TRIM14: variants seen among roughly 807,000 people sequenced by gnomAD.
The protein encoded by TRIM14 is tripartite motif containing 14.
Under a neutral mutation model 44.5 loss-of-function variants are expected in TRIM14, and 28 were observed. The ratio of observed to expected loss-of-function variants is 0.63; its 90% CI spans 0.47 to 0.86. TRIM14 has a LOEUF of 0.86. Among genes scored for constraint, TRIM14 ranks in the 40% least tolerant of loss-of-function variants. TRIM14 has a pLI of 0.00. For missense variants in TRIM14, 607 were observed against 611.1 expected, an observed-to-expected ratio of 0.99 and a Z score of 0.07; for synonymous variants, 299 against 269.2, an observed-to-expected ratio of 1.11 and a Z score of -1.08.
chr9:98,111,949 A>T (rs920871774), intron 1 of TRIM14, among the ~76,000 whole-genome samples: 1 of 152,196 alleles, frequency 6.6e-6, no homozygotes, highest in Admixed American at 6.5e-5. Flanking sequence ...AAAAACAAAC[A>T]AACAAAAATT....
chr9:98,088,940 T>C (rs1825900245), intron 5 of TRIM14, among the ~76,000 whole-genome samples: 1 of 152,192 alleles, frequency 6.6e-6, no homozygotes, highest in South Asian at 2.1e-4. Flanking sequence ...TGTTGTTTTT[T>C]AAGTCTGGAT....
At chr9:98,061,242 T>G in the TRIM14 span, 1 of 471,418 alleles carries the variant, frequency 2.1e-6, no homozygotes. Flanking sequence ...TTTGGGAGAC[T>G]GAGGGGGATG....
downstream of TRIM14, among the ~76,000 whole-genome samples, chr9:98,082,639 G>A (rs981396762): frequency 6.6e-6 from 1 of 152,176 alleles, no homozygotes; most frequent in African/African-American, 2.4e-5. Flanking sequence ...TTGTTGTAAA[G>A]GCTCCTCCTC....
intron 6 of TRIM14, chr9:98,069,791 G>A (rs1829258028): frequency 6.6e-6 from 1 of 152,312 alleles, no homozygotes; most frequent in African/African-American, 2.4e-5. Flanking sequence ...AAAGATCCTT[G>A]TAGCAGTGGC....
At chr9:98,114,840 C>T (rs529012970) in intron 1 of TRIM14, among the ~76,000 whole-genome samples, 1 of 152,248 alleles carries the variant, frequency 6.6e-6, no homozygotes, top group East Asian at 1.9e-4. Context: ...AACCCAACAT[C>T]AAGCAGAGCA....
intron 1 of TRIM14, among the ~76,000 whole-genome samples, chr9:98,118,459 G>T (rs1827130404): frequency 1.3e-5 from 2 of 152,214 alleles, no homozygotes; most frequent in African/African-American, 4.8e-5. Context: ...TGTGGCCGGG[G>T]AGGGGAGAGG....
At chr9:98,074,575 T>C (rs1356237163) in intron 6 of TRIM14, 2 of 152,218 alleles carry the variant, frequency 1.3e-5, no homozygotes, top group Non-Finnish European at 2.9e-5. Flanking sequence ...TGGGTGGCGC[T>C]GGCTCCCCAG....
At chr9:98,114,349 T>TA (rs1826968253) in intron 1 of TRIM14, among the ~76,000 whole-genome samples, 1 of 152,192 alleles carries the variant, frequency 6.6e-6, no homozygotes, top group Non-Finnish European at 1.5e-5. Flanking sequence ...TTGTTTTTTT[T>TA]TTGAGACAGA....
the TRIM14 span, among the ~76,000 whole-genome samples, chr9:98,056,345 G>T: frequency 6.6e-6 from 1 of 152,204 alleles, no homozygotes; most frequent in Non-Finnish European, 1.5e-5. Flanking sequence ...GGCTGGACTC[G>T]ATCCAGCTCT....
chr9:98,099,110 AG>A (rs1325770956), intron 3 of TRIM14, among the ~76,000 whole-genome samples: 1 of 152,112 alleles, frequency 6.6e-6, no homozygotes, highest in East Asian at 1.9e-4. Flanking sequence ...AAATGTGCTC[AG>A]TAGCTGCAAG....
Position 98,095,171 on chromosome 9 carries a change from C to A in TRIM14, c.538-142G>T. 9.4e-7 allele frequency: 1 copy of A among 1,067,704 alleles called. No individual in the cohort carries two copies. The highest frequency in any genetic ancestry group is 1.7e-5 in the South Asian group (1 of 60,492). The allele number at this position is 1,067,704 out of a possible 1,614,324, so 66.1% of individuals were successfully genotyped here. On this transcript the variant is annotated intron_variant, in intron 3 of 5. Coordinates refer to ENST00000341469, the MANE Select transcript of TRIM14 (RefSeq NM_014788.4). The surrounding 1 kb of genome is among the most constrained non-coding windows in gnomAD (Gnocchi z 4.1). ...GCACCTATGGTCAGCCCAGGCCATG[C>A]CTGCAGGAGCAGAGCCCTGGAGAGA... is the stretch of plus-strand genomic sequence containing the variant.
downstream of TRIM14, among the ~76,000 whole-genome samples, chr9:98,066,823 G>A (rs2131629539): frequency 6.6e-6 from 1 of 152,122 alleles, no homozygotes; most frequent in South Asian, 2.1e-4. Flanking sequence ...GCTAATTTTT[G>A]TATTTTTAGT....
chr9:98,080,315 C>T (rs1829797254), downstream of TRIM14, among the ~76,000 whole-genome samples: 1 of 152,228 alleles, frequency 6.6e-6, no homozygotes, highest in South Asian at 2.1e-4. Flanking sequence ...ACTCACCCAT[C>T]TTAGAGTGTC....
the TRIM14 span, among the ~76,000 whole-genome samples, chr9:98,044,490 C>T: frequency 5.3e-5 from 8 of 150,074 alleles, no homozygotes; most frequent in African/African-American, 1.7e-4. Flanking sequence ...TCTCCTGGTT[C>T]AGCCTCCCGA....
downstream of TRIM14, chr9:98,082,725 A>G (rs2281732): frequency 0.24 from 201,412 of 831,620 alleles, 30,848 homozygotes; most frequent in African/African-American, 0.57. Flanking sequence ...AGGGGGCAAC[A>G]GAGTGCCTGC....
At chr9:98,098,049 T>C (rs1267615777) in intron 3 of TRIM14, among the ~76,000 whole-genome samples, 1 of 152,124 alleles carries the variant, frequency 6.6e-6, no homozygotes, top group African/African-American at 2.4e-5. Context: ...TTGGCGGGTT[T>C]TGTGTTGACT....
At chr9:98,111,779 A>G (rs1826862128) in intron 1 of TRIM14, among the ~76,000 whole-genome samples, 1 of 152,092 alleles carries the variant, frequency 6.6e-6, no homozygotes, top group Non-Finnish European at 1.5e-5. Context: ...TCTCTACTAC[A>G]AATACAAAAT....
chr9:98,040,418 C>T, the TRIM14 span, among the ~76,000 whole-genome samples: 4 of 151,856 alleles, frequency 2.6e-5, no homozygotes, highest in African/African-American at 9.7e-5. Flanking sequence ...ATGTTGTGGG[C>T]CTCGCCTCCT....
chr9:98,046,603 G>A, the TRIM14 span, among the ~76,000 whole-genome samples: 2 of 151,870 alleles, frequency 1.3e-5, no homozygotes, highest in Admixed American at 1.3e-4. Flanking sequence ...CACCACACTC[G>A]GCTAATTTTG....
Sources: allele counts gnomAD v4.1 joint callset (sites outside exome capture counted in the v4.1 genomes callset), GRCh38; gene constraint gnomAD v4.1.1; non-coding constraint Gnocchi (gnomAD v3.1); transcripts MANE v1.5; gene names NCBI Gene and HGNC (gene_info 2026-07-23, HGNC 2026-07-21).